The following SHISAL2B variants were observed in gnomAD, a reference collection of about 807,000 sequenced individuals.
SHISAL2B encodes the protein shisa like 2B.
In SHISAL2B, 12 loss-of-function variants were observed where a neutral mutation model predicts 16.5. The observed-to-expected ratio is 0.73, with a 90% confidence interval of 0.47 to 1.18. The LOEUF (loss-of-function observed/expected upper bound fraction) is 1.18, where lower values mean the gene tolerates loss of function less well. Among genes scored for constraint, SHISAL2B ranks in the 50% most tolerant of loss-of-function variants. SHISAL2B has a pLI of 0.00. For missense variants in SHISAL2B, 183 were observed against 193.6 expected, an observed-to-expected ratio of 0.95 and a Z score of 0.33; for synonymous variants, 72 against 75.0, an observed-to-expected ratio of 0.96 and a Z score of 0.21.
chr5:64,696,787 G>A (rs894151071), intron 2 of SHISAL2B, among the ~76,000 whole-genome samples: 4 of 152,198 alleles, frequency 2.6e-5, no homozygotes, highest in Non-Finnish European at 4.4e-5. Context: ...AAGACAATAC[G>A]TGCACTGCTG....
At chr5:64,690,902 C>G in intron 1 of SHISAL2B, 88 bp downstream of exon 1, 1 of 1,149,154 alleles carries the variant, frequency 8.7e-7, no homozygotes, top group Non-Finnish European at 1.2e-6. Context: ...CAGGGAGGTT[C>G]CCCCGCGTCC....
At chr5:64,714,567 C>T (rs1561378510) in intron 2 of SHISAL2B, among the ~76,000 whole-genome samples, 1 of 152,024 alleles carries the variant, frequency 6.6e-6, no homozygotes, top group Non-Finnish European at 1.5e-5. Flanking sequence ...GTGGGCTCCA[C>T]CCAGTTCGAG....
At chr5:64,704,810 T>TG in intron 2 of SHISAL2B, among the ~76,000 whole-genome samples, 1 of 152,202 alleles carries the variant, frequency 6.6e-6, no homozygotes, top group East Asian at 1.9e-4. Context: ...ATTTTCATCT[T>TG]TCTCTTTTAA....
intron 2 of SHISAL2B, among the ~76,000 whole-genome samples, chr5:64,699,737 T>C (rs573188574): frequency 6.6e-6 from 1 of 152,346 alleles, no homozygotes; most frequent in South Asian, 2.1e-4. Flanking sequence ...ACATACTAAA[T>C]TGACTTAGGA....
At chr5:64,714,812 G>A (rs1379832556) in intron 2 of SHISAL2B, among the ~76,000 whole-genome samples, 1 of 152,162 alleles carries the variant, frequency 6.6e-6, no homozygotes, top group African/African-American at 2.4e-5. Context: ...TTCCAGGTGT[G>A]TCCGTCACCC....
chr5:64,703,294 T>G (rs530120443), intron 2 of SHISAL2B, among the ~76,000 whole-genome samples: 1 of 152,338 alleles, frequency 6.6e-6, no homozygotes, highest in East Asian at 1.9e-4. Flanking sequence ...AAGGAATTCA[T>G]TGAGATCTCA....
intron 2 of SHISAL2B, among the ~76,000 whole-genome samples, chr5:64,705,464 TTAACAC>T (rs1286936182): frequency 6.6e-6 from 1 of 152,166 alleles, no homozygotes; most frequent in African/African-American, 2.4e-5. Context: ...ATGAGGGACT[TTAACAC>T]TACACTTTTT....
intron 1 of SHISAL2B, among the ~76,000 whole-genome samples, chr5:64,693,232 C>T (rs933603165): frequency 2.0e-5 from 3 of 152,084 alleles, no homozygotes; most frequent in Non-Finnish European, 4.4e-5. Context: ...TGGTCTCAAT[C>T]TCCTGACCTC....
intron 2 of SHISAL2B, among the ~76,000 whole-genome samples, chr5:64,703,605 A>C (rs1206255391): frequency 6.6e-6 from 1 of 152,156 alleles, no homozygotes; most frequent in Non-Finnish European, 1.5e-5. Context: ...CTCATTGAAA[A>C]TTATTTATTT....
chr5:64,702,800 G>T (rs1241044671), intron 2 of SHISAL2B, among the ~76,000 whole-genome samples: 1 of 151,964 alleles, frequency 6.6e-6, no homozygotes, highest in African/African-American at 2.4e-5. Context: ...CAAATAATGA[G>T]TCAGTTGTCA....
intron 2 of SHISAL2B, among the ~76,000 whole-genome samples, chr5:64,702,156 T>G (rs1741817273): frequency 6.6e-6 from 1 of 152,166 alleles, no homozygotes; most frequent in Non-Finnish European, 1.5e-5. Flanking sequence ...TATTTTCCAG[T>G]ATAGTTTATA....
intron 1 of SHISAL2B, among the ~76,000 whole-genome samples, chr5:64,693,438 GGTTT>G (rs1267305468): frequency 6.6e-6 from 1 of 152,118 alleles, no homozygotes; most frequent in African/African-American, 2.4e-5. Flanking sequence ...TGAATGGTCT[GGTTT>G]TATAATTTGT....
intron 2 of SHISAL2B, among the ~76,000 whole-genome samples, chr5:64,696,446 G>T (rs1473421650): frequency 6.6e-6 from 1 of 152,188 alleles, no homozygotes; most frequent in Non-Finnish European, 1.5e-5. Context: ...ACTGCCTGCG[G>T]GGTTGGGCAG....
chr5:64,690,873 A>G (rs1426989370), intron 1 of SHISAL2B, 59 bp downstream of exon 1: 1 of 1,408,514 alleles, frequency 7.1e-7, no homozygotes, highest in Non-Finnish European at 9.4e-7. Context: ...GGAGGCGACA[A>G]GCGGAGCCAC....
At chr5:64,700,060 C>A (rs1021238933) in intron 2 of SHISAL2B, among the ~76,000 whole-genome samples, 4 of 152,056 alleles carry the variant, frequency 2.6e-5, no homozygotes, top group Non-Finnish European at 4.4e-5. Context: ...CTTCAAATGC[C>A]AATGTTTAAA....
intron 2 of SHISAL2B, among the ~76,000 whole-genome samples, chr5:64,708,014 A>C (rs1169959702): frequency 6.6e-6 from 1 of 152,204 alleles, no homozygotes; most frequent in Non-Finnish European, 1.5e-5. Context: ...AAACAAGAGA[A>C]GTCTTAGGAC....
chr5:64,690,861 A>G, intron 1 of SHISAL2B, 47 bp downstream of exon 1: 1 of 1,441,812 alleles, frequency 6.9e-7, no homozygotes, highest in Non-Finnish European at 9.1e-7. Flanking sequence ...GCCCGGGGCT[A>G]GGGAGGCGAC....
intron 1 of SHISAL2B, chr5:64,694,212 G>C (rs1741696242): frequency 5.1e-6 from 2 of 390,870 alleles, no homozygotes; most frequent in Non-Finnish European, 1.0e-5. Flanking sequence ...AGATCAATTG[G>C]CAGTCAATTA....
chr5:64,699,795 A>G (rs76047322), intron 2 of SHISAL2B, among the ~76,000 whole-genome samples: 19 of 152,328 alleles, frequency 1.2e-4, no homozygotes, highest in African/African-American at 4.1e-4. Flanking sequence ...AAACTAGTCT[A>G]ATATTAGACT....
Sources: allele counts gnomAD v4.1 joint callset (sites outside exome capture counted in the v4.1 genomes callset), GRCh38; gene constraint gnomAD v4.1.1; transcripts MANE v1.5; gene names NCBI Gene and HGNC (gene_info 2026-07-23, HGNC 2026-07-21).